The following BIRC6 variants were observed in gnomAD, a reference collection of about 807,000 sequenced individuals.
BIRC6 encodes the protein baculoviral IAP repeat containing 6.
Under a neutral mutation model 503.3 loss-of-function variants are expected in BIRC6, and 98 were observed. The observed-to-expected ratio is 0.19, with a 90% CI of 0.17 to 0.23. The LOEUF (loss-of-function observed/expected upper bound fraction) is 0.23. BIRC6 is among the 10% of genes least tolerant of loss of function. The pLI is 1.00. For synonymous variants in BIRC6, 2,240 were observed against 2,078.7 expected (o/e 1.08, Z -2.11); for missense variants, 5,360 against 5,806.0 (o/e 0.92, Z 2.50).
intron 45 of BIRC6, among the ~76,000 whole-genome samples, chr2:32,494,602 C>G (rs1233349862): frequency 6.6e-6 from 1 of 151,620 alleles, no homozygotes. Context: ...AAAAAATCCC[C>G]ATTAATATAA....
chr2:32,503,198 C>G lies in BIRC6; in HGVS notation c.9461C>G (p.Pro3154Arg). The G allele has an allele frequency of 6.2e-7, 1 of 1,612,352 alleles. No homozygotes were observed. Among genetic ancestry groups the G allele is most frequent in the Non-Finnish European group, 8.5e-7 (1 of 1,179,396 alleles). ...TLKTRILASE[P>R]DNAEGIHNFA... ...AAAACAAGAATACTAGCTTCTGAGC[C>G]TGACAATGCTGAAGGGATTCATAAC... The change falls in exon 49 of 74, where the codon CCT becomes CGT. Residue 3154 changes from proline to arginine, a missense_variant. Coordinates refer to ENST00000421745, the MANE Select transcript of BIRC6 (RefSeq NM_016252.4).
At chr2:32,495,062 G>C (rs942527074) in intron 45 of BIRC6, among the ~76,000 whole-genome samples, 1 of 152,180 alleles carries the variant, frequency 6.6e-6, no homozygotes, top group Admixed American at 6.5e-5. Context: ...GAGGAATAAA[G>C]ATTAGTCATC....
Position 32,401,208 on chromosome 2 carries a change from T to G in BIRC6, c.1080T>G (p.Gly360=), listed in dbSNP as rs910543488. ...CCCCAAACTGCCCATTTGTGAAAGG[T>G]GAGCACACACAGAATGTGCCATTGT... is the stretch of plus-strand genomic sequence containing the variant. ...RHSPNCPFVK[G]EHTQNVPLSV... The change falls in exon 7 of 74, where the codon GGT becomes GGG. Residue 360 remains glycine, a synonymous_variant. Coordinates refer to ENST00000421745, the MANE Select transcript of BIRC6 (RefSeq NM_016252.4). The G allele has an allele frequency of 2.5e-6, 4 of 1,613,914 alleles. No individual in the cohort carries two copies. The African/African-American group carries it at 5.3e-5, about 22-fold the overall frequency.
intron 26 of BIRC6, among the ~76,000 whole-genome samples, chr2:32,466,290 C>CT (rs1158760232): frequency 2.6e-5 from 4 of 152,142 alleles, no homozygotes; most frequent in African/African-American, 9.7e-5. Flanking sequence ...TATTAATGAT[C>CT]TGCCTTCTGT....
intron 66 of BIRC6, among the ~76,000 whole-genome samples, chr2:32,593,155 AGTAGT>A (rs1480072880): frequency 1.3e-5 from 2 of 152,220 alleles, no homozygotes; most frequent in Non-Finnish European, 2.9e-5. Flanking sequence ...AATTCTAAGC[AGTAGT>A]GTAAAGATGT....
In BIRC6 at chr2:32,473,039, T is replaced by A. The variant is rs2049282614; in HGVS notation, c.6593-73T>A. ...GACACATGTATAACTGTGTTTTTTG[T>A]TTTCTGGGTAGGAAAGGTACTTTAA... On this transcript the variant is annotated intron_variant, in intron 32 of 73. Transcript: ENST00000421745. 1.3e-5 allele frequency: 17 copies of A among 1,341,172 alleles called. 2 individuals carry two copies. In the South Asian group the frequency reaches 2.4e-4, roughly 19 times the overall value. The allele number at this position is 1,341,172 out of a possible 1,614,324, so 83.1% of individuals were successfully genotyped here. A position where few individuals can be genotyped will look rare whatever the true frequency, so the allele number is the denominator to read the frequency against.
intron 72 of BIRC6, 44 bp from the exon 73 acceptor site, chr2:32,611,404 T>C: frequency 6.6e-7 from 1 of 1,519,374 alleles, no homozygotes; most frequent in Non-Finnish European, 8.9e-7. Flanking sequence ...TCTTTTAAAT[T>C]TGACTGTAAA....
chr2:32,456,626 T>G (rs920978232), intron 23 of BIRC6, among the ~76,000 whole-genome samples: 1 of 152,196 alleles, frequency 6.6e-6, no homozygotes, highest in East Asian at 1.9e-4. Context: ...TCTTGCAAAT[T>G]TGTTGAGAAT....
chr2:32,441,409 A>G lies in BIRC6; in HGVS notation c.3891A>G (p.Gln1297=), dbSNP rs200289593. The change falls in exon 17 of 74, where the codon CAA becomes CAG. Residue 1297 remains glutamine, a synonymous_variant. Transcript: ENST00000421745. The part of the protein sequence containing the change: ...SENLRGCDLL[Q]EVSVTIRRFK... ...ACCTCCGGGGCTGTGATTTACTTCA[A>G]GAGGTCTCAGTCACCATTCGAAGAT... The G allele has an allele frequency of 2.4e-5, 38 of 1,611,194 alleles. No individual in the cohort carries two copies. Among genetic ancestry groups the G allele is most frequent in the Non-Finnish European group, 3.1e-5 (37 of 1,177,888 alleles).
intron 65 of BIRC6, among the ~76,000 whole-genome samples, chr2:32,555,755 G>A (rs187103294): frequency 5.1e-4 from 77 of 152,178 alleles, no homozygotes; most frequent in African/African-American, 1.8e-3. Flanking sequence ...AGGATCACCA[G>A]CCTGGGCAAC....
intron 46 of BIRC6, among the ~76,000 whole-genome samples, chr2:32,500,860 C>T (rs935280783): frequency 6.6e-6 from 1 of 151,938 alleles, no homozygotes; most frequent in Non-Finnish European, 1.5e-5. Context: ...CCACCTCAGC[C>T]TCCGAAAGTG....
intron 30 of BIRC6, among the ~76,000 whole-genome samples, 180 bp downstream of exon 30, chr2:32,469,794 ATAAT>A (rs1469884123): frequency 1.3e-5 from 2 of 152,232 alleles, no homozygotes; most frequent in African/African-American, 4.8e-5. Context: ...ATAATAAGTG[ATAAT>A]TAGAGTCTAC....
chr2:32,393,780 T>G (rs770853233), intron 5 of BIRC6, among the ~76,000 whole-genome samples: 21 of 152,160 alleles, frequency 1.4e-4, no homozygotes, highest in Non-Finnish European at 2.2e-4. Flanking sequence ...CTTAACCTTC[T>G]AAAGTATTGT....
chr2:32,393,331 A>G (rs1456769051), intron 5 of BIRC6, among the ~76,000 whole-genome samples: 1 of 152,156 alleles, frequency 6.6e-6, no homozygotes, highest in Non-Finnish European at 1.5e-5. Flanking sequence ...GGACATTATA[A>G]AAAGCTTTGC....
At chr2:32,541,094 G>A (rs1043338614) in intron 61 of BIRC6, among the ~76,000 whole-genome samples, 4 of 152,014 alleles carry the variant, frequency 2.6e-5, no homozygotes, top group Admixed American at 2.6e-4. Flanking sequence ...GGCATCATAT[G>A]AGAATAGTCC....
chr2:32,533,240 A>G lies in BIRC6; in HGVS notation c.12291+1689A>G, dbSNP rs977974502. 7.2e-5 allele frequency among the ~76,000 whole-genome samples: 11 copies of G among 152,222 alleles called. No homozygotes were observed. In the East Asian group the frequency reaches 1.5e-3, roughly 21 times the overall value. ...ATCTTTGTCATATAGAAGCAGAACT[A>G]TTAACTCATTTGTGTCCTAAATATA... On this transcript the variant is annotated intron_variant, in intron 61 of 73. Transcript: ENST00000421745.
chr2:32,561,129 C>G (rs1464784804), intron 65 of BIRC6, among the ~76,000 whole-genome samples: 1 of 149,920 alleles, frequency 6.7e-6, no homozygotes, highest in African/African-American at 2.5e-5. Flanking sequence ...ACCCGGGAGA[C>G]AGAGGTTGCA....
chr2:32,547,188 A>G (rs1354485777), intron 63 of BIRC6, among the ~76,000 whole-genome samples: 1 of 152,202 alleles, frequency 6.6e-6, no homozygotes, highest in Non-Finnish European at 1.5e-5. Context: ...TTTATCCTAA[A>G]AAGATCTGCT....
chr2:32,462,136 A>G (rs1572401066), intron 23 of BIRC6, among the ~76,000 whole-genome samples: 1 of 152,200 alleles, frequency 6.6e-6, no homozygotes, highest in African/African-American at 2.4e-5. Context: ...CTTTAAAACA[A>G]TGCCACATGG....
Sources: gnomAD v4.1 joint callset for allele counts (sites outside exome capture counted in the v4.1 genomes callset) on GRCh38, gnomAD v4.1.1 for gene constraint, MANE v1.5 for transcripts, NCBI Gene and HGNC (gene_info 2026-07-23, HGNC 2026-07-21) for gene names.